The following TET3 variants were observed in gnomAD, a reference collection of about 807,000 sequenced individuals.
TET3 encodes methylcytosine dioxygenase TET3.
A neutral mutation model predicts 141.4 loss-of-function variants in TET3; 19 were observed. The observed-to-expected ratio is 0.13, with a 90% confidence interval of 0.09 to 0.20. The LOEUF is 0.20. Among genes scored for constraint, TET3 ranks in the 10% least tolerant of loss-of-function variants. TET3 has a pLI of 1.00. For synonymous variants in TET3, 1,043 were observed against 980.9 expected, an observed-to-expected ratio of 1.06 and a Z score of -1.18; for missense variants, 1,874 against 2,356.9, an observed-to-expected ratio of 0.80 and a Z score of 4.24.
chr2:74,121,203 C>G, the TET3 span: 1 of 152,158 alleles, frequency 6.6e-6, no homozygotes, highest in Non-Finnish European at 1.5e-5. Context: ...AGACGGCAGA[C>G]TACTCAATGA....
intron 2 of TET3, chr2:74,002,818 CG>C: frequency 1.7e-6 from 1 of 571,576 alleles, no homozygotes; most frequent in Non-Finnish European, 3.1e-6. Context: ...CGCGCGGGGC[CG>C]GGGATGGCCG....
intron 4 of TET3, among the ~76,000 whole-genome samples, chr2:74,064,919 G>C (rs563298524): frequency 6.6e-6 from 1 of 152,308 alleles, no homozygotes; most frequent in African/African-American, 2.4e-5. Flanking sequence ...TAAAGTTTCA[G>C]AGAAGTCAAC....
At chr2:74,022,185 A>G (rs189700524) in intron 3 of TET3, among the ~76,000 whole-genome samples, 4 of 135,664 alleles carry the variant, frequency 2.9e-5, no homozygotes, top group South Asian at 2.3e-4. Flanking sequence ...TTGTAAAACT[A>G]TTTCTTTTCT....
chr2:74,057,022 C>T (rs770799447), intron 4 of TET3, among the ~76,000 whole-genome samples: 1 of 152,124 alleles, frequency 6.6e-6, no homozygotes, highest in Non-Finnish European at 1.5e-5. Context: ...CCATTTGCTC[C>T]AGCTTTTGAA....
chr2:74,134,649 A>T, the TET3 span: 1 of 456,314 alleles, frequency 2.2e-6, no homozygotes, highest in South Asian at 1.6e-5. Context: ...GGAGCAGAAA[A>T]TAATTTAGTG....
At chr2:74,112,448 G>C (rs1454046399), downstream of TET3, among the ~76,000 whole-genome samples, 6 of 151,098 alleles carry the variant, frequency 4.0e-5, no homozygotes, top group African/African-American at 1.5e-4. Context: ...TCCAAATAAA[G>C]AAAATTATCA....
At chr2:74,040,647 C>T (rs1687292195) in intron 3 of TET3, among the ~76,000 whole-genome samples, 1 of 152,130 alleles carries the variant, frequency 6.6e-6, no homozygotes, top group South Asian at 2.1e-4. Flanking sequence ...CATGGGGGCT[C>T]ACACCTGTAA....
At chr2:74,121,764 G>A in the TET3 span, 1 of 152,280 alleles carries the variant, frequency 6.6e-6, no homozygotes, top group Non-Finnish European at 1.5e-5. Context: ...TTGGGAGTCT[G>A]AGGCAGGTGG....
intron 3 of TET3, among the ~76,000 whole-genome samples, chr2:74,027,744 A>G (rs1008888537): frequency 2.0e-5 from 3 of 152,056 alleles, no homozygotes; most frequent in African/African-American, 4.8e-5. Flanking sequence ...CACAGACCAC[A>G]TTTTGTTTAT....
chr2:74,024,686 C>G (rs888852025), intron 3 of TET3, among the ~76,000 whole-genome samples: 34 of 152,092 alleles, frequency 2.2e-4, no homozygotes, highest in African/African-American at 8.0e-4. Flanking sequence ...GTTTCCTGTT[C>G]CTCGTTGTAA....
At chr2:74,057,236 A>T (rs1688266648) in intron 4 of TET3, among the ~76,000 whole-genome samples, 1 of 152,262 alleles carries the variant, frequency 6.6e-6, no homozygotes, top group Non-Finnish European at 1.5e-5. Flanking sequence ...TGACCAGCTC[A>T]GTCCCTTTCG....
chr2:74,019,050 C>T (rs1285667734), intron 3 of TET3, among the ~76,000 whole-genome samples: 1 of 152,084 alleles, frequency 6.6e-6, no homozygotes, highest in Non-Finnish European at 1.5e-5. Context: ...AGTTTGAGAT[C>T]AGCCAGGGTA....
the TET3 span, among the ~76,000 whole-genome samples, chr2:74,125,591 C>G: frequency 2.7e-5 from 4 of 148,990 alleles, no homozygotes; most frequent in Non-Finnish European, 5.9e-5. Flanking sequence ...AAGTTGTATT[C>G]TAGCTTCTAA....
intron 4 of TET3, among the ~76,000 whole-genome samples, chr2:74,062,884 T>TTA (rs1688673167): frequency 6.8e-6 from 1 of 146,766 alleles, no homozygotes; most frequent in Non-Finnish European, 1.5e-5. Flanking sequence ...GGTGAAACTT[T>TTA]TTTTTTTTTT....
chr2:74,018,464 C>T (rs1200818795), intron 3 of TET3, among the ~76,000 whole-genome samples: 3 of 152,000 alleles, frequency 2.0e-5, no homozygotes, highest in African/African-American at 4.8e-5. Context: ...TTTAGATGTT[C>T]AGATTTCTAA....
At chr2:74,083,439 G>C (rs1317280034) in intron 6 of TET3, among the ~76,000 whole-genome samples, 1 of 152,324 alleles carries the variant, frequency 6.6e-6, no homozygotes, top group Admixed American at 6.5e-5. Flanking sequence ...AAGTACCGTG[G>C]TGGGAGCTGT....
chr2:74,127,209 G>A, the TET3 span, among the ~76,000 whole-genome samples: 1 of 152,196 alleles, frequency 6.6e-6, no homozygotes, highest in African/African-American at 2.4e-5. Flanking sequence ...TGATCCGGAT[G>A]ACCTCTGTTT....
At chr2:74,009,574 G>A (rs1377656326) in intron 3 of TET3, among the ~76,000 whole-genome samples, 1 of 152,140 alleles carries the variant, frequency 6.6e-6, no homozygotes, top group African/African-American at 2.4e-5. Flanking sequence ...CCCTGGAGGT[G>A]GTGTCCAAGA....
chr2:73,986,839 G>A (rs903868474), intron 2 of TET3, 133 bp downstream of exon 2: 1 of 843,656 alleles, frequency 1.2e-6, no homozygotes, highest in African/African-American at 1.8e-5. Flanking sequence ...ACTTTAAGTA[G>A]GAGTGTAACT....
Sources: gnomAD v4.1 joint callset for allele counts (sites outside exome capture counted in the v4.1 genomes callset) on GRCh38, gnomAD v4.1.1 for gene constraint, MANE v1.5 for transcripts, NCBI Gene and HGNC (gene_info 2026-07-23, HGNC 2026-07-21) for gene names.